Variants in MIPOL1 observed in about 807,000 individuals in gnomAD.
MIPOL1 encodes mirror-image polydactyly gene 1 protein.
Under a neutral mutation model 60.9 loss-of-function variants are expected in MIPOL1, and 57 were observed. That is an observed-to-expected ratio of 0.94 (90% CI 0.76 to 1.17). The LOEUF is 1.17. Ranked by LOEUF, MIPOL1 falls within the 50% of genes most tolerant of loss-of-function variation. MIPOL1 has a pLI of 0.00. For synonymous variants in MIPOL1, 179 were observed against 168.8 expected (o/e 1.06, Z -0.47); for missense variants, 551 against 511.6 (o/e 1.08, Z -0.74).
chr14:37,270,633 A>T lies in MIPOL1; in HGVS notation c.493+108A>T, dbSNP rs2083230036. 9.5e-6 allele frequency: 4 copies of T among 422,068 alleles called. No individual in the cohort carries two copies. The South Asian group carries it at 3.7e-4, about 39-fold the overall frequency. 26.1% of individuals were successfully genotyped at this position (422,068 alleles called of 1,614,324 possible). On this transcript the variant is annotated intron_variant, in intron 6 of 12. Coordinates refer to ENST00000684589, the MANE Select transcript of MIPOL1 (RefSeq NM_001388067.1). ...ACTGGCTTATTTGCCAAAGGAGGGG[A>T]AGCTCTCCTTTTTTTTTTTTTTTTT...
chr14:37,482,603 CTT>C (rs2094888236), intron 11 of MIPOL1, among the ~76,000 whole-genome samples: 1 of 152,130 alleles, frequency 6.6e-6, no homozygotes, highest in Admixed American at 6.5e-5. Context: ...ATTCCAGACA[CTT>C]ATAAAACCAT....
At chr14:37,355,292 G>A (rs1326433757) in intron 9 of MIPOL1, among the ~76,000 whole-genome samples, 2 of 117,960 alleles carry the variant, frequency 1.7e-5, no homozygotes, top group East Asian at 3.1e-4. Flanking sequence ...AGTCTGATGG[G>A]CTTCCCTTTG....
chr14:37,430,269 G>A (rs1327501502), intron 11 of MIPOL1, among the ~76,000 whole-genome samples: 3 of 151,872 alleles, frequency 2.0e-5, no homozygotes, highest in Admixed American at 1.3e-4. Context: ...TAATTTTGAC[G>A]TGAAAAGCTT....
At chr14:37,492,494 T>C (rs963920147) in intron 11 of MIPOL1, among the ~76,000 whole-genome samples, 3 of 152,186 alleles carry the variant, frequency 2.0e-5, no homozygotes, top group Non-Finnish European at 4.4e-5. Context: ...GTTAATTAGA[T>C]ATAAGTAACT....
rs374287101 is a variant in MIPOL1, at chr14:37,215,874, C to T, written c.-199+17770C>T. ...CCTGAGGTCAGGAGTTCGAGAGCAGCCTGGCCGATGTGGTGAAACCCTGTC... is the reference window on the plus strand; with the variant it reads ...CCTGAGGTCAGGAGTTCGAGAGCAGTCTGGCCGATGTGGTGAAACCCTGTC... On this transcript the variant is annotated intron_variant, in intron 1 of 12. Coordinates refer to ENST00000684589, the MANE Select transcript of MIPOL1 (RefSeq NM_001388067.1). Among the ~76,000 whole-genome samples, 643 of 152,128 alleles carry T rather than the reference C, an allele frequency of 4.2e-3. 2 individuals carry two copies. Among genetic ancestry groups the T allele is most frequent in the Middle Eastern group, 0.017 (5 of 292 alleles).
At chr14:37,285,691 A>G (rs2084499874) in intron 7 of MIPOL1, among the ~76,000 whole-genome samples, 1 of 151,190 alleles carries the variant, frequency 6.6e-6, no homozygotes, top group Admixed American at 6.6e-5. Flanking sequence ...TCCCGGGTTC[A>G]AGTGATTCCC....
intron 10 of MIPOL1, among the ~76,000 whole-genome samples, chr14:37,419,336 G>A (rs1243572610): frequency 2.6e-5 from 4 of 152,192 alleles, no homozygotes; most frequent in Non-Finnish European, 5.9e-5. Context: ...ATTGCCAGAG[G>A]CTGAGTGTGA....
At chr14:37,204,777 G>T (rs113110409) in intron 1 of MIPOL1, among the ~76,000 whole-genome samples, 4,915 of 152,182 alleles carry the variant, frequency 0.032, 93 homozygotes, top group African/African-American at 0.039. Flanking sequence ...GTAGAGTGGG[G>T]TGCTGCTGAA....
chr14:37,260,630 T>C (rs1254226877), intron 3 of MIPOL1, among the ~76,000 whole-genome samples: 2 of 152,180 alleles, frequency 1.3e-5, no homozygotes, highest in Non-Finnish European at 2.9e-5. Flanking sequence ...TCTAAAAGTA[T>C]GTTGGCAAGT....
In MIPOL1 at chr14:37,378,139, T is replaced by C. The variant is rs111340875; in HGVS notation, c.936+8515T>C. Among the ~76,000 whole-genome samples the C allele has an allele frequency of 1.7e-3, 255 of 152,198 alleles. 1 individual carries two copies. The highest frequency in any genetic ancestry group is 5.8e-3 in the African/African-American group (241 of 41,542). ...ACTTTGGAACATTGGCAGTTTATTA[T>C]AAAGTTAAATTTATACTTACCATAT... On this transcript the variant is annotated intron_variant, in intron 10 of 12. Coordinates refer to ENST00000684589, the MANE Select transcript of MIPOL1 (RefSeq NM_001388067.1).
chr14:37,387,372 A>G (rs1189422449), intron 10 of MIPOL1, among the ~76,000 whole-genome samples: 2 of 151,960 alleles, frequency 1.3e-5, no homozygotes, highest in East Asian at 3.9e-4. Context: ...TTTTGATCAG[A>G]TGAAACAACT....
chr14:37,521,915 T>A (rs866043515), intron 12 of MIPOL1, among the ~76,000 whole-genome samples: 2,893 of 147,618 alleles, frequency 0.02, 41 homozygotes, highest in South Asian at 0.054. Flanking sequence ...TATATATTTT[T>A]TTTTTCTTTG....
chr14:37,239,875 T>C (rs1420210704), intron 1 of MIPOL1, among the ~76,000 whole-genome samples: 1 of 152,200 alleles, frequency 6.6e-6, no homozygotes, highest in East Asian at 1.9e-4. Flanking sequence ...CTTTAAAATC[T>C]TCACTTCTAG....
At chr14:37,213,707 T>C (rs1967093210) in intron 1 of MIPOL1, among the ~76,000 whole-genome samples, 1 of 152,118 alleles carries the variant, frequency 6.6e-6, no homozygotes, top group Non-Finnish European at 1.5e-5. Flanking sequence ...GATATCAATA[T>C]TTAAGTACAA....
At chr14:37,505,243 C>T (rs1333448132) in intron 12 of MIPOL1, 1 of 152,272 alleles carries the variant, frequency 6.6e-6, no homozygotes, top group African/African-American at 2.4e-5. Flanking sequence ...TCCTCCCTAA[C>T]TCATTTCATG....
chr14:37,423,782 A>G (rs1406882211), intron 11 of MIPOL1: 4 of 152,184 alleles, frequency 2.6e-5, no homozygotes, highest in African/African-American at 9.6e-5. Flanking sequence ...AATGCAATTA[A>G]ATCAAAATAA....
rs532782488 is a variant in MIPOL1, at chr14:37,535,868, C to G, written c.1263-11037C>G. Reference sequence around the variant, plus strand: ...ATCCTTTATTCCAGTAATTCTTTATCTTTTTTCAATTTCTTTTTCCTTTCC... The same window carrying G: ...ATCCTTTATTCCAGTAATTCTTTATGTTTTTTCAATTTCTTTTTCCTTTCC... On this transcript the variant is annotated intron_variant, in intron 12 of 12. Transcript: ENST00000684589. Among the ~76,000 whole-genome samples, 12 of 152,104 alleles carry G rather than the reference C, an allele frequency of 7.9e-5. No homozygotes were observed. The South Asian group carries it at 8.3e-4, about 11-fold the overall frequency.
intron 1 of MIPOL1, among the ~76,000 whole-genome samples, chr14:37,208,071 T>A (rs1966381514): frequency 6.6e-6 from 1 of 152,222 alleles, no homozygotes; most frequent in Admixed American, 6.5e-5. Flanking sequence ...GGCATGAGCA[T>A]CTCTGATTCA....
At chr14:37,456,080 G>A (rs145147757) in intron 11 of MIPOL1, among the ~76,000 whole-genome samples, 324 of 151,534 alleles carry the variant, frequency 2.1e-3, no homozygotes, top group Admixed American at 3.2e-3. Context: ...TCAATATCAC[G>A]TAGAAGAAGG....
Sources: allele counts gnomAD v4.1 joint callset (sites outside exome capture counted in the v4.1 genomes callset), GRCh38; gene constraint gnomAD v4.1.1; transcripts MANE v1.5; gene names NCBI Gene and HGNC (gene_info 2026-07-23, HGNC 2026-07-21).